The following FBN1 variants were observed in gnomAD, a reference collection of about 807,000 sequenced individuals.
The protein encoded by FBN1 is fibrillin 1, also known as fibrillin-1.
In FBN1, 29 loss-of-function variants were observed where a neutral mutation model predicts 365.1. The ratio of observed to expected loss-of-function variants is 0.08; its 90% CI spans 0.06 to 0.11. The LOEUF (loss-of-function observed/expected upper bound fraction) is 0.11, where lower values mean the gene tolerates loss of function less well. FBN1 is among the 10% of genes least tolerant of loss of function. The pLI, the probability that FBN1 is intolerant of heterozygous loss-of-function variation, is 1.00. For synonymous variants in FBN1, 1,210 were observed against 1,270.5 expected (o/e 0.95, Z 1.01); for missense variants, 2,476 against 3,703.2 (o/e 0.67, Z 8.60).
intron 43 of FBN1, 33 bp from the exon 44 acceptor site, chr15:48,456,795 G>C: frequency 6.2e-7 from 1 of 1,606,466 alleles, no homozygotes; most frequent in South Asian, 1.1e-5. Flanking sequence ...TGAGTGACAG[G>C]ACAGCACATG....
intron 53 of FBN1, among the ~76,000 whole-genome samples, chr15:48,435,810 G>GTGTGTGTGTA (rs1555395093): frequency 7.5e-6 from 1 of 134,154 alleles, no homozygotes; most frequent in Non-Finnish European, 1.5e-5. Flanking sequence ...GTGTGTGTGT[G>GTGTGTGTGTA]TATATATGCC....
At chr15:48,589,640 G>A (rs1385409921) in intron 6 of FBN1, among the ~76,000 whole-genome samples, 4 of 135,446 alleles carry the variant, frequency 3.0e-5, no homozygotes, top group Admixed American at 2.3e-4. Flanking sequence ...TTGAGATGGC[G>A]TCTCGCTCTG....
rs559646566 is a variant in FBN1, at chr15:48,458,939, C to T, written c.5296+1307G>A. On this transcript the variant is annotated intron_variant, in intron 43 of 65. Transcript: ENST00000316623. Reference sequence around the variant, plus strand: ...AGCTAAATAACAGATGTCCAGTTTTCAAGAGCTAGAAGCAAACTAAGCCAT... The same window carrying T: ...AGCTAAATAACAGATGTCCAGTTTTTAAGAGCTAGAAGCAAACTAAGCCAT... Among the ~76,000 whole-genome samples, 7 of 152,340 alleles carry T rather than the reference C, an allele frequency of 4.6e-5. No individual in the cohort carries two copies. The South Asian group carries it at 1.0e-3, about 23-fold the overall frequency.
intron 40 of FBN1, 48 bp downstream of exon 40, chr15:48,465,520 C>G (rs1009923358): frequency 3.1e-6 from 5 of 1,608,846 alleles, no homozygotes; most frequent in Admixed American, 1.7e-5. Context: ...TTTTGCAGGT[C>G]AGTTCTTGAT....
intron 2 of FBN1, 104 bp downstream of exon 2, chr15:48,644,502 G>A: frequency 1.3e-6 from 2 of 1,532,372 alleles, no homozygotes; most frequent in Non-Finnish European, 1.8e-6. Context: ...GTGCCCCCAG[G>A]AGGTCTTGCC....
intron 34 of FBN1, among the ~76,000 whole-genome samples, chr15:48,473,467 T>C (rs890378295): frequency 6.6e-6 from 1 of 152,240 alleles, no homozygotes; most frequent in Non-Finnish European, 1.5e-5. Context: ...CATGTAAGTA[T>C]ATGTATAATT....
At chr15:48,492,366 T>C (rs971370310) in intron 24 of FBN1, 95 bp downstream of exon 24, 1 of 1,256,488 alleles carries the variant, frequency 8.0e-7, no homozygotes, top group Non-Finnish European at 1.2e-6. Flanking sequence ...TGTGTGTCTG[T>C]ACCTGAAGCT....
intron 52 of FBN1, 22 bp from the exon 53 acceptor site, chr15:48,437,099 A>T (rs1271454959): frequency 1.3e-6 from 2 of 1,487,756 alleles, no homozygotes; most frequent in Non-Finnish European, 1.9e-6. Flanking sequence ...GAAAAAAAAT[A>T]GTGAATAACA....
intron 44 of FBN1, 73 bp from the exon 45 acceptor site, chr15:48,452,757 A>T: frequency 2.0e-6 from 3 of 1,511,090 alleles, no homozygotes; most frequent in Non-Finnish European, 2.8e-6. Context: ...TCTCACATGA[A>T]AACAAATTTA....
At chr15:48,428,045 G>A in intron 57 of FBN1, 1 of 660,770 alleles carries the variant, frequency 1.5e-6, no homozygotes, top group Non-Finnish European at 2.7e-6. Context: ...GAATAGCCAT[G>A]CTTACAGACA....
chr15:48,432,487 A>C (rs2043030619), intron 55 of FBN1, among the ~76,000 whole-genome samples: 1 of 152,216 alleles, frequency 6.6e-6, no homozygotes, highest in African/African-American at 2.4e-5. Flanking sequence ...CATTTTGTAT[A>C]TATAATCACC....
At chr15:48,488,632 G>A in intron 25 of FBN1, 139 bp from the exon 26 acceptor site, 2 of 905,992 alleles carry the variant, frequency 2.2e-6, no homozygotes, top group South Asian at 3.2e-5. Flanking sequence ...AAGAATGTGT[G>A]ATGATCCATG....
At chr15:48,619,725 G>C (rs1307998555) in intron 2 of FBN1, among the ~76,000 whole-genome samples, 1 of 151,014 alleles carries the variant, frequency 6.6e-6, no homozygotes, top group Non-Finnish European at 1.5e-5. Flanking sequence ...CCAACCCAAA[G>C]GTTTTTTTTA....
intron 6 of FBN1, among the ~76,000 whole-genome samples, chr15:48,541,567 G>A (rs1048801674): frequency 6.6e-6 from 1 of 152,060 alleles, no homozygotes; most frequent in Non-Finnish European, 1.5e-5. Flanking sequence ...TGTGCTTTTC[G>A]TCCTGTACTT....
chr15:48,641,613 T>C (rs1189137306), intron 2 of FBN1: 1 of 152,214 alleles, frequency 6.6e-6, no homozygotes, highest in Non-Finnish European at 1.5e-5. Context: ...CAACTGGGCA[T>C]CAGGCAGACT....
At chr15:48,442,863 G>T (rs1316317857) in intron 49 of FBN1, among the ~76,000 whole-genome samples, 1 of 152,156 alleles carries the variant, frequency 6.6e-6, no homozygotes, top group Non-Finnish European at 1.5e-5. Context: ...CTACTTTTAT[G>T]AGAATACTTT....
intron 6 of FBN1, among the ~76,000 whole-genome samples, chr15:48,543,925 AAATAAAT>A (rs1266947130): frequency 6.6e-6 from 1 of 151,956 alleles, no homozygotes; most frequent in Non-Finnish European, 1.5e-5. Context: ...TCAGCAATGT[AAATAAAT>A]AATAAATACA....
At chr15:48,431,457 A>G (rs2043022275) in intron 55 of FBN1, among the ~76,000 whole-genome samples, 1 of 151,940 alleles carries the variant, frequency 6.6e-6, no homozygotes, top group East Asian at 1.9e-4. Flanking sequence ...CTTGTTGACT[A>G]ATTGAACTAA....
chr15:48,492,374 G>A (rs981964598), intron 24 of FBN1, 87 bp downstream of exon 24: 21 of 1,365,758 alleles, frequency 1.5e-5, no homozygotes, highest in African/African-American at 1.5e-5. Flanking sequence ...TGTACCTGAA[G>A]CTAAGTGCTC....
Sources: allele counts gnomAD v4.1 joint callset (sites outside exome capture counted in the v4.1 genomes callset), GRCh38; gene constraint gnomAD v4.1.1; transcripts MANE v1.5; gene names NCBI Gene and HGNC (gene_info 2026-07-23, HGNC 2026-07-21).